CHST8: variants seen among roughly 807,000 people sequenced by gnomAD.
CHST8 encodes carbohydrate sulfotransferase 8.
Under a neutral mutation model 15.0 loss-of-function variants are expected in CHST8, and 10 were observed. The ratio of observed to expected loss-of-function variants is 0.67; its 90% CI spans 0.41 to 1.13. The LOEUF (loss-of-function observed/expected upper bound fraction) is 1.13, where lower values mean the gene tolerates loss of function less well. CHST8 is among the 50% of genes most tolerant of loss of function. The pLI is 0.00. For synonymous variants in CHST8, 259 were observed against 256.6 expected (o/e 1.01, Z -0.09); for missense variants, 634 against 608.2 (o/e 1.04, Z -0.45).
chr19:33,647,023 A>G (rs1972363483), intron 1 of CHST8, among the ~76,000 whole-genome samples: 1 of 152,246 alleles, frequency 6.6e-6, no homozygotes. Context: ...TTGTGAGGTT[A>G]GGAGCAAAAT....
chr19:33,647,108 G>A (rs1402113000), intron 1 of CHST8, among the ~76,000 whole-genome samples: 4 of 152,258 alleles, frequency 2.6e-5, no homozygotes, highest in South Asian at 2.1e-4. Context: ...ATACATTTGG[G>A]AGTCATCAAC....
At chr19:33,682,779 T>G (rs895838955) in intron 2 of CHST8, among the ~76,000 whole-genome samples, 1 of 152,078 alleles carries the variant, frequency 6.6e-6, no homozygotes, top group Middle Eastern at 3.4e-3. Context: ...TTTGGGGGGG[T>G]TCCTAGCATC....
At chr19:33,633,774 C>CGTGTGTGTGT (rs55655047) in intron 1 of CHST8, among the ~76,000 whole-genome samples, 296 of 141,164 alleles carry the variant, frequency 2.1e-3, no homozygotes, top group East Asian at 6.2e-3. Context: ...TTTTCTTTTT[C>CGTGTGTGTGT]GTGTGTGTGT....
intron 3 of CHST8, among the ~76,000 whole-genome samples, chr19:33,728,951 C>T (rs1335084520): frequency 6.6e-6 from 1 of 152,182 alleles, no homozygotes; most frequent in African/African-American, 2.4e-5. Flanking sequence ...CTCTGTGGAC[C>T]ACATCTGAGT....
chr19:33,742,317 G>A (rs1974209738), intron 3 of CHST8, among the ~76,000 whole-genome samples: 1 of 152,178 alleles, frequency 6.6e-6, no homozygotes, highest in Non-Finnish European at 1.5e-5. Context: ...AAAGAAACGA[G>A]GCTTATTTGG....
chr19:33,689,485 G>GGA, intron 3 of CHST8, 94 bp downstream of exon 3: 1 of 1,376,230 alleles, frequency 7.3e-7, no homozygotes, highest in Non-Finnish European at 9.6e-7. Context: ...TGGGCTTGGG[G>GGA]GAAAGGGGCA....
At chr19:33,624,852 G>T (rs1338865507) in intron 1 of CHST8, among the ~76,000 whole-genome samples, 1 of 152,294 alleles carries the variant, frequency 6.6e-6, no homozygotes, top group South Asian at 2.1e-4. Context: ...TGCTTGTAGG[G>T]GCTGATGGGG....
chr19:33,702,065 C>T (rs1045839339), intron 3 of CHST8, among the ~76,000 whole-genome samples: 1 of 152,042 alleles, frequency 6.6e-6, no homozygotes, highest in Non-Finnish European at 1.5e-5. Flanking sequence ...ACTTCCGCCT[C>T]CCAAGTTCAA....
chr19:33,754,732 C>T (rs577068353), intron 3 of CHST8, among the ~76,000 whole-genome samples: 2 of 152,204 alleles, frequency 1.3e-5, no homozygotes, highest in African/African-American at 4.8e-5. Flanking sequence ...GTGACAGCCT[C>T]TCAAATAGAC....
At chr19:33,668,636 CTTGAATA>C (rs1284533787) in intron 2 of CHST8, among the ~76,000 whole-genome samples, 1 of 152,088 alleles carries the variant, frequency 6.6e-6, no homozygotes, top group Non-Finnish European at 1.5e-5. Flanking sequence ...AGTTGTAAGA[CTTGAATA>C]TTGAATAATT....
Position 33,685,437 on chromosome 19 carries a change from G to A in CHST8, c.-86-3739G>A, listed in dbSNP as rs190200036. Among the ~76,000 whole-genome samples, 422 of 151,470 alleles carry A rather than the reference G, an allele frequency of 2.8e-3. 2 individuals are homozygous for A. Among genetic ancestry groups the A allele is most frequent in the Non-Finnish European group, 5.1e-3 (347 of 67,936 alleles). ...AAAGCCACCAGGAGGACTAGGAATT[G>A]TGAGGCCAGGCAGGAGCTGCTGGAA... On this transcript the variant is annotated intron_variant, in intron 2 of 4. Coordinates refer to ENST00000650847, the MANE Select transcript of CHST8 (RefSeq NM_001127895.2).
intron 3 of CHST8, among the ~76,000 whole-genome samples, chr19:33,691,952 G>C (rs1599557465): frequency 6.6e-6 from 1 of 152,160 alleles, no homozygotes; most frequent in Non-Finnish European, 1.5e-5. Flanking sequence ...TGTAGAAAGG[G>C]GATGGGGAGT....
chr19:33,736,197 A>T (rs908135453), intron 3 of CHST8, among the ~76,000 whole-genome samples: 1 of 152,222 alleles, frequency 6.6e-6, no homozygotes, highest in Non-Finnish European at 1.5e-5. Context: ...CAGGGGATAG[A>T]CTGGAGGGTG....
At chr19:33,628,551 T>C (rs1400420729) in intron 1 of CHST8, among the ~76,000 whole-genome samples, 1 of 152,142 alleles carries the variant, frequency 6.6e-6, no homozygotes, top group Admixed American at 6.5e-5. Context: ...CTACACTGGT[T>C]GAAACCAGTG....
chr19:33,628,619 G>A (rs1218576248), intron 1 of CHST8, among the ~76,000 whole-genome samples: 6 of 152,214 alleles, frequency 3.9e-5, no homozygotes, highest in African/African-American at 7.2e-5. Flanking sequence ...TAGGCGGTGC[G>A]TCTACGCTGG....
At position 33,641,996 on chromosome 19, in the gene CHST8, A is replaced by G. The variant is rs190102108; in HGVS notation, c.-164+19700A>G. ...TCTGGGCCTGAAGAATTTGGAGTCC[A>G]GAACTTCACTGACAAGGTGGATGAT... On this transcript the variant is annotated intron_variant, in intron 1 of 4. Transcript: ENST00000650847. 3.5e-3 allele frequency among the ~76,000 whole-genome samples: 536 copies of G among 152,350 alleles called. 3 individuals are homozygous for G. The highest frequency in any genetic ancestry group is 0.013 in the African/African-American group (520 of 41,580).
At chr19:33,699,231 G>C (rs1293883580) in intron 3 of CHST8, among the ~76,000 whole-genome samples, 1 of 152,150 alleles carries the variant, frequency 6.6e-6, no homozygotes, top group African/African-American at 2.4e-5. Flanking sequence ...CAGGGGAGGG[G>C]TGCACAGGGA....
chr19:33,744,633 T>C (rs1974275171), intron 3 of CHST8: 1 of 152,174 alleles, frequency 6.6e-6, no homozygotes, highest in African/African-American at 2.4e-5. Flanking sequence ...CAATCATAGC[T>C]CACTGCAGCC....
chr19:33,743,066 G>C (rs917997154), intron 3 of CHST8, among the ~76,000 whole-genome samples: 3 of 151,664 alleles, frequency 2.0e-5, no homozygotes, highest in Non-Finnish European at 4.4e-5. Flanking sequence ...AATATAGGCT[G>C]GTGGCCCTCT....
Sources: allele counts gnomAD v4.1 joint callset (sites outside exome capture counted in the v4.1 genomes callset), GRCh38; gene constraint gnomAD v4.1.1; transcripts MANE v1.5; gene names NCBI Gene and HGNC (gene_info 2026-07-23, HGNC 2026-07-21).